RNF125: variants seen among roughly 807,000 people sequenced by gnomAD.
The protein encoded by RNF125 is ring finger protein 125, also known as E3 ubiquitin-protein ligase RNF125.
Under a neutral mutation model 26.0 loss-of-function variants are expected in RNF125, and 21 were observed. The ratio of observed to expected loss-of-function variants is 0.81; its 90% CI spans 0.57 to 1.16. The LOEUF (loss-of-function observed/expected upper bound fraction) is 1.16, where lower values mean the gene tolerates loss of function less well. RNF125 is among the 50% of genes most tolerant of loss of function. The pLI is 0.00. For synonymous variants in RNF125, 95 were observed against 109.2 expected (o/e 0.87, Z 0.81); for missense variants, 270 against 299.4 (o/e 0.90, Z 0.72).
intron 4 of RNF125, among the ~76,000 whole-genome samples, chr18:32,062,237 T>C (rs796280600): frequency 5.3e-5 from 8 of 152,346 alleles, no homozygotes; most frequent in African/African-American, 1.7e-4. Flanking sequence ...CTGATCTCTA[T>C]ATTCTAAGTG....
chr18:32,061,638 G>C (rs1218038352), intron 4 of RNF125, among the ~76,000 whole-genome samples: 1 of 152,116 alleles, frequency 6.6e-6, no homozygotes, highest in Non-Finnish European at 1.5e-5. Flanking sequence ...GCTCCTCCCT[G>C]CTGGCCTGGC....
At chr18:32,089,059 T>C in the RNF125 span, among the ~76,000 whole-genome samples, 3 of 152,114 alleles carry the variant, frequency 2.0e-5, no homozygotes, top group Non-Finnish European at 4.4e-5. Flanking sequence ...GAGCCTGCCA[T>C]GTTGAGGGTT....
At chr18:32,064,396 C>CTTTTTTTTTTTTTTTTTTTTTTTTTT (rs775086863) in intron 4 of RNF125, among the ~76,000 whole-genome samples, 1 of 86,862 alleles carries the variant, frequency 1.2e-5, no homozygotes, top group Non-Finnish European at 2.1e-5. Context: ...TTTTCTTTTT[C>CTTTTTTTTTTTTTTTTTTTTTTTTTT]TTTTTTTTTT....
intron 4 of RNF125, among the ~76,000 whole-genome samples, chr18:32,058,690 C>T (rs931410942): frequency 3.3e-5 from 5 of 152,134 alleles, no homozygotes; most frequent in African/African-American, 1.2e-4. Flanking sequence ...TTTAATTGCC[C>T]TGTTGTGCTA....
At chr18:32,033,543 G>C (rs1167850248) in intron 1 of RNF125, among the ~76,000 whole-genome samples, 1 of 147,040 alleles carries the variant, frequency 6.8e-6, no homozygotes, top group African/African-American at 2.5e-5. Flanking sequence ...AAAAAAGTCT[G>C]GGCACAGTGG....
chr18:32,067,202 G>A (rs984738776), intron 5 of RNF125, among the ~76,000 whole-genome samples: 6 of 152,164 alleles, frequency 3.9e-5, no homozygotes, highest in East Asian at 1.9e-4. Flanking sequence ...GCAGTGAACC[G>A]TGATCGCGCC....
chr18:32,032,292 G>A (rs988123152), intron 1 of RNF125, among the ~76,000 whole-genome samples: 1 of 151,674 alleles, frequency 6.6e-6, no homozygotes, highest in Non-Finnish European at 1.5e-5. Flanking sequence ...TGGCCAGGCT[G>A]GTCTCGAACC....
At chr18:32,034,795 A>G (rs891566727) in intron 1 of RNF125, among the ~76,000 whole-genome samples, 3 of 151,454 alleles carry the variant, frequency 2.0e-5, no homozygotes, top group Non-Finnish European at 4.4e-5. Context: ...CACACCCGCA[A>G]TCCCAGCTAC....
At position 32,028,292 on chromosome 18, in the gene RNF125, C is replaced by T. The variant is rs573737872; in HGVS notation, c.165-8824C>T. Among the ~76,000 whole-genome samples, 1,005 of 119,252 alleles carry T rather than the reference C, an allele frequency of 8.4e-3. 7 individuals carry two copies. The highest frequency in any genetic ancestry group is 0.05 in the Middle Eastern group (11 of 218). 78.2% of individuals were successfully genotyped at this position (119,252 alleles called of 152,430 possible). A position where few individuals can be genotyped will look rare whatever the true frequency, so the allele number is the denominator to read the frequency against. On this transcript the variant is annotated intron_variant, in intron 1 of 5. Transcript: ENST00000217740. Reference sequence around the variant, plus strand: ...CAGCCTGGGCAACAGAGCGAGACTCCGTCTTAAAAAAAAAAAAAAAAAAAA... The same window carrying T: ...CAGCCTGGGCAACAGAGCGAGACTCTGTCTTAAAAAAAAAAAAAAAAAAAA...
intron 3 of RNF125, among the ~76,000 whole-genome samples, chr18:32,042,964 C>A (rs569395875): frequency 6.6e-6 from 1 of 151,672 alleles, no homozygotes. Flanking sequence ...GCCTGGGCAA[C>A]ATGGCGAAAC....
At chr18:32,059,129 A>C (rs776954232) in intron 4 of RNF125, among the ~76,000 whole-genome samples, 2 of 152,194 alleles carry the variant, frequency 1.3e-5, no homozygotes, top group Non-Finnish European at 2.9e-5. Flanking sequence ...TCTTTGGGGA[A>C]TATACCTGGG....
At chr18:32,079,013 T>C in the RNF125 span, among the ~76,000 whole-genome samples, 1 of 152,226 alleles carries the variant, frequency 6.6e-6, no homozygotes, top group Non-Finnish European at 1.5e-5. Flanking sequence ...TATCACATTA[T>C]ATTTCTTTGT....
intron 2 of RNF125, among the ~76,000 whole-genome samples, chr18:32,039,958 T>C (rs975884512): frequency 2.0e-5 from 3 of 152,000 alleles, no homozygotes; most frequent in Non-Finnish European, 4.4e-5. Context: ...TTTTGTATTT[T>C]AGTAGAGACG....
At chr18:32,082,367 A>G in the RNF125 span, among the ~76,000 whole-genome samples, 12 of 152,122 alleles carry the variant, frequency 7.9e-5, no homozygotes, top group Admixed American at 5.2e-4. Flanking sequence ...CACATCATAT[A>G]TATTATATTT....
At chr18:32,060,707 C>T (rs903786136) in intron 4 of RNF125, among the ~76,000 whole-genome samples, 3 of 152,194 alleles carry the variant, frequency 2.0e-5, no homozygotes, top group African/African-American at 7.2e-5. Context: ...TATTCTTACC[C>T]TCTCTTCCCT....
intron 4 of RNF125, among the ~76,000 whole-genome samples, chr18:32,050,346 G>T (rs2039311550): frequency 1.3e-5 from 2 of 152,034 alleles, no homozygotes; most frequent in Non-Finnish European, 2.9e-5. Context: ...TGGAGACAGG[G>T]TCTCGCTCTG....
At chr18:32,033,320 G>A (rs2039117631) in intron 1 of RNF125, among the ~76,000 whole-genome samples, 1 of 152,104 alleles carries the variant, frequency 6.6e-6, no homozygotes, top group Admixed American at 6.6e-5. Context: ...AAAACTAGAA[G>A]GGAACACCAG....
chr18:32,056,385 G>A (rs2039383072), intron 4 of RNF125, among the ~76,000 whole-genome samples: 2 of 152,102 alleles, frequency 1.3e-5, no homozygotes, highest in Admixed American at 6.5e-5. Flanking sequence ...GCTGAGGTGG[G>A]CAGATCACCT....
chr18:32,042,131 T>C (rs1221503510), intron 2 of RNF125, 48 bp from the exon 3 acceptor site: 7 of 1,351,892 alleles, frequency 5.2e-6, no homozygotes, highest in African/African-American at 1.4e-5. Flanking sequence ...AAGCTTTCAT[T>C]GAGCCCTTTT....
Sources: gnomAD v4.1 joint callset for allele counts (sites outside exome capture counted in the v4.1 genomes callset) on GRCh38, gnomAD v4.1.1 for gene constraint, MANE v1.5 for transcripts, NCBI Gene and HGNC (gene_info 2026-07-23, HGNC 2026-07-21) for gene names.